Variants in RPAIN observed in about 807,000 individuals in gnomAD.
RPAIN encodes the protein RPA-interacting protein.
In RPAIN, 29 loss-of-function variants were observed where a neutral mutation model predicts 30.5. The ratio of observed to expected loss-of-function variants is 0.95; its 90% confidence interval spans 0.71 to 1.30. The LOEUF (loss-of-function observed/expected upper bound fraction) is 1.30. Ranked by LOEUF, RPAIN falls within the 50% of genes most tolerant of loss-of-function variation. RPAIN has a pLI of 0.00. For missense variants in RPAIN, 247 were observed against 264.7 expected (o/e 0.93, Z 0.46); for synonymous variants, 101 against 93.5 (o/e 1.08, Z -0.46).
intron 6 of RPAIN, 107 bp downstream of exon 6, chr17:5,428,318 T>C: frequency 6.4e-7 from 1 of 1,569,112 alleles, no homozygotes; most frequent in South Asian, 1.2e-5. Context: ...TTTAATGCAG[T>C]TTATTATCTG....
Position 5,432,773 on chromosome 17 carries a change from T to C in RPAIN, c.*202T>C. On this transcript the variant is annotated 3_prime_UTR_variant, in exon 7 of 7. Transcript: ENST00000381209. Reference sequence around the variant, plus strand: ...GGGGGAGGAATAGAAAAAGACAAACTGCCTTGGAGGAGATAAACCAATTTT... The same window carrying C: ...GGGGGAGGAATAGAAAAAGACAAACCGCCTTGGAGGAGATAAACCAATTTT... 1.3e-6 allele frequency: 1 copy of C among 753,368 alleles called. No homozygotes were observed. The highest frequency in any genetic ancestry group is 2.0e-6 in the Non-Finnish European group (1 of 489,114). 46.7% of individuals were successfully genotyped at this position (753,368 alleles called of 1,614,324 possible).
chr17:5,422,988 T>G (rs1282764627), intron 3 of RPAIN, 159 bp downstream of exon 3: 7 of 595,012 alleles, frequency 1.2e-5, no homozygotes, highest in South Asian at 4.6e-5. Flanking sequence ...GCTGTCTAGC[T>G]TCTCAATAAT....
rs756125406 is a variant in RPAIN, at chr17:5,432,764, A to G, written c.*193A>G. The G allele has an allele frequency of 2.2e-5, 17 of 763,954 alleles. No individual in the cohort carries two copies. The highest frequency in any genetic ancestry group is 3.0e-5 in the Non-Finnish European group (15 of 497,678). 47.3% of individuals were successfully genotyped at this position (763,954 alleles called of 1,614,324 possible). A position where few individuals can be genotyped will look rare whatever the true frequency, so the allele number is the denominator to read the frequency against. ...CAGGTTGAAGGGGGAGGAATAGAAAAAGACAAACTGCCTTGGAGGAGATAA... is the reference window on the plus strand; with the variant it reads ...CAGGTTGAAGGGGGAGGAATAGAAAGAGACAAACTGCCTTGGAGGAGATAA... On this transcript the variant is annotated 3_prime_UTR_variant, in exon 7 of 7. Transcript: ENST00000381209.
chr17:5,429,791 A>G, intron 6 of RPAIN: 1 of 978,434 alleles, frequency 1.0e-6, no homozygotes, highest in African/African-American at 1.7e-5. Flanking sequence ...TCCTCCCACT[A>G]CATTTAAGGA....
intron 5 of RPAIN, 54 bp downstream of exon 5, chr17:5,426,353 T>A: frequency 6.9e-7 from 1 of 1,454,772 alleles, no homozygotes; most frequent in Non-Finnish European, 9.7e-7. Flanking sequence ...GGATCTACTT[T>A]CTTGAAGATC....
chr17:5,425,485 G>A (rs780619512), intron 3 of RPAIN: 28 of 371,836 alleles, frequency 7.5e-5, no homozygotes, highest in Middle Eastern at 8.4e-4. Flanking sequence ...ATAGACGTGC[G>A]CCACATGCCT....
chr17:5,426,636 G>T, intron 5 of RPAIN: 4 of 184,374 alleles, frequency 2.2e-5, no homozygotes, highest in East Asian at 1.6e-4. Flanking sequence ...TTAAGCTTCA[G>T]TAATTTTTTT....
At chr17:5,422,631 G>A (rs117758706) in intron 2 of RPAIN, 138 bp from the exon 3 acceptor site, 4 of 680,042 alleles carry the variant, frequency 5.9e-6, no homozygotes, top group Admixed American at 2.4e-5. Flanking sequence ...CCCACTGTCA[G>A]CATATTCTGC....
intron 1 of RPAIN, 99 bp downstream of exon 1, chr17:5,420,390 C>T: frequency 9.6e-7 from 1 of 1,046,640 alleles, no homozygotes; most frequent in Admixed American, 2.4e-5. Flanking sequence ...GCAGGTGCCG[C>T]AGCGCGCCTG....
At chr17:5,431,761 C>A in intron 6 of RPAIN, 1 of 411,188 alleles carries the variant, frequency 2.4e-6, no homozygotes, top group South Asian at 1.8e-5. Flanking sequence ...TGGCGGTGCT[C>A]AAGTGGTGGT....
chr17:5,431,590 C>A (rs1194680158), intron 6 of RPAIN: 3 of 456,068 alleles, frequency 6.6e-6, no homozygotes, highest in Non-Finnish European at 1.3e-5. Flanking sequence ...TTCCACTAGA[C>A]CTTTGGTTTT....
At chr17:5,429,676 T>A in intron 6 of RPAIN, 1 of 985,472 alleles carries the variant, frequency 1.0e-6, no homozygotes, top group Non-Finnish European at 1.2e-6. Flanking sequence ...AAGCATATGT[T>A]CCCTTCTGTT....
rs1916121405 is a variant in RPAIN, at chr17:5,432,852, A to ATGAT, written c.*282_*285dup. On this transcript the variant is annotated 3_prime_UTR_variant, in exon 7 of 7. Coordinates refer to ENST00000381209, the MANE Select transcript of RPAIN (RefSeq NM_001033002.4). ...AAATAATAGATTTGTACAGAAAAAAATGATAATAAATGAGAACACAAAACA... is the reference window on the plus strand; with the variant it reads ...AAATAATAGATTTGTACAGAAAAAAATGATTGATAATAAATGAGAACACAAAACA... 5 of 950,792 alleles carry ATGAT rather than the reference A, an allele frequency of 5.3e-6. No homozygotes were observed. Among genetic ancestry groups the ATGAT allele is most frequent in the African/African-American group, 1.7e-5 (1 of 60,046 alleles). 58.9% of individuals were successfully genotyped at this position (950,792 alleles called of 1,614,324 possible).
rs1188694529 is a variant in RPAIN at position 5,428,086 on chromosome 17, GAGC to G, written c.508_510del (p.Gln170del). 11 of 1,614,046 alleles carry G rather than the reference GAGC, an allele frequency of 6.8e-6. No individual in the cohort carries two copies. Among genetic ancestry groups the G allele is most frequent in the Admixed American group, 1.7e-5 (1 of 59,996 alleles). On this transcript the variant is annotated inframe_deletion, in exon 6 of 7. Coordinates refer to ENST00000381209, the MANE Select transcript of RPAIN (RefSeq NM_001033002.4). ...TATTTTGTAGTCTTCTGAGTTGACA[GAGC>G]AGAAGCTTCGTGCCTGTTTAGAGGG... is the stretch of plus-strand genomic sequence containing the variant.
chr17:5,424,197 C>T (rs1915164015), intron 3 of RPAIN, among the ~76,000 whole-genome samples: 2 of 151,754 alleles, frequency 1.3e-5, no homozygotes, highest in Non-Finnish European at 2.9e-5. Flanking sequence ...CTGTGTTGCC[C>T]AGGCTGGTCT....
At chr17:5,423,653 C>T (rs1238822550) in intron 3 of RPAIN, among the ~76,000 whole-genome samples, 1 of 152,194 alleles carries the variant, frequency 6.6e-6, no homozygotes, top group Non-Finnish European at 1.5e-5. Flanking sequence ...AGCATCCACT[C>T]CTTGAGGGAG....
At chr17:5,428,716 A>G (rs988303851) in intron 6 of RPAIN, 7 of 1,001,810 alleles carry the variant, frequency 7.0e-6, no homozygotes, top group East Asian at 1.6e-4. Flanking sequence ...GAAGCGTGCT[A>G]TAGGAACCAA....
At chr17:5,431,405 T>A (rs1045251552) in intron 6 of RPAIN, 9 of 446,644 alleles carry the variant, frequency 2.0e-5, no homozygotes, top group Middle Eastern at 3.9e-4. Flanking sequence ...GAGGATGGCT[T>A]GAGCTCAGGA....
intron 6 of RPAIN, chr17:5,431,468 C>A: frequency 4.9e-6 from 2 of 404,962 alleles, no homozygotes; most frequent in Non-Finnish European, 9.3e-6. Flanking sequence ...GGCTGGGTGA[C>A]AGCGAGATTG....
Sources: gnomAD v4.1 joint callset for allele counts (sites outside exome capture counted in the v4.1 genomes callset) on GRCh38, gnomAD v4.1.1 for gene constraint, MANE v1.5 for transcripts, NCBI Gene and HGNC (gene_info 2026-07-23, HGNC 2026-07-21) for gene names.